GPR180: variants seen among roughly 807,000 people sequenced by gnomAD.
The protein encoded by GPR180 is integral membrane protein GPR180.
GPR180 carries 53 observed loss-of-function variants against 52.6 expected under a neutral mutation model. That is an observed-to-expected ratio of 1.01 (90% CI 0.81 to 1.27). The LOEUF (loss-of-function observed/expected upper bound fraction) is 1.27. Among genes scored for constraint, GPR180 ranks in the 50% most tolerant of loss-of-function variants. The probability of loss-of-function intolerance (pLI) is 0.00; values close to 1 mark genes in which losing one functional copy is unlikely to be tolerated. For missense variants in GPR180, 533 were observed against 527.0 expected (o/e 1.01, Z -0.11); for synonymous variants, 200 against 193.1 (o/e 1.04, Z -0.30).
chr13:94,610,818 C>G (rs540190152), intron 2 of GPR180, among the ~76,000 whole-genome samples: 1 of 152,334 alleles, frequency 6.6e-6, no homozygotes, highest in African/African-American at 2.4e-5. Flanking sequence ...AGCCCCCCTC[C>G]AAGTATCTAA....
rs1271492489 is a variant in GPR180, at chr13:94,612,207, G to A, written c.322G>A (p.Glu108Lys). The A allele has an allele frequency of 1.4e-5, 22 of 1,613,790 alleles. No individual in the cohort carries two copies. The highest frequency in any genetic ancestry group is 2.2e-5 in the East Asian group (1 of 44,858). The change falls in exon 3 of 9, where the codon GAA becomes AAA. Residue 108 changes from glutamate (E) to lysine (K), a missense_variant. Glu to Lys is a moderately conservative substitution (Grantham distance 56, BLOSUM62 1). Transcript: ENST00000376958. ...CTTTAAAGTGACCATGAACCAGACCGAACATAATCTGACAGTGTCCCAGAT... is the reference window on the plus strand; with the variant it reads ...CTTTAAAGTGACCATGAACCAGACCAAACATAATCTGACAGTGTCCCAGAT... ...AQLTMTMNQT[E>K]HNLTVSQIPS...
At position 94,611,288 on chromosome 13, in the gene GPR180, T is replaced by G. The variant is rs149527706; in HGVS notation, c.305-902T>G. ...AAGAACAACCAATCAGAAAAAGATT[T>G]TGGAAAATCTTTTGAAAATACATAG... On this transcript the variant is annotated intron_variant, in intron 2 of 8. Coordinates refer to ENST00000376958, the MANE Select transcript of GPR180 (RefSeq NM_180989.6). Among the ~76,000 whole-genome samples, 1,083 of 152,320 alleles carry G rather than the reference T, an allele frequency of 7.1e-3. 15 individuals are homozygous for G. Among genetic ancestry groups the G allele is most frequent in the African/African-American group, 0.025 (1,033 of 41,574 alleles).
intron 5 of GPR180, among the ~76,000 whole-genome samples, chr13:94,620,072 A>G (rs1889832616): frequency 6.6e-6 from 1 of 152,264 alleles, no homozygotes; most frequent in Middle Eastern, 3.4e-3. Flanking sequence ...CTTATCCTCA[A>G]TAGAAAAGGG....
intron 1 of GPR180, among the ~76,000 whole-genome samples, chr13:94,602,776 C>T (rs1305754907): frequency 6.6e-6 from 1 of 152,092 alleles, no homozygotes; most frequent in Non-Finnish European, 1.5e-5. Context: ...AGTAATTATT[C>T]CTTCAATAAA....
At chr13:94,602,744 C>T (rs1475918188) in intron 1 of GPR180, among the ~76,000 whole-genome samples, 1 of 152,046 alleles carries the variant, frequency 6.6e-6, no homozygotes, top group East Asian at 1.9e-4. Flanking sequence ...GATTTCAGAC[C>T]TTTTGGTCTT....
chr13:94,620,571 T>C (rs1358345760), intron 5 of GPR180, among the ~76,000 whole-genome samples: 4 of 152,216 alleles, frequency 2.6e-5, no homozygotes, highest in African/African-American at 9.6e-5. Flanking sequence ...TTGGATGTTA[T>C]GGGAGCTATG....
chr13:94,610,828 A>AC (rs1269700033), intron 2 of GPR180, among the ~76,000 whole-genome samples: 1 of 152,174 alleles, frequency 6.6e-6, no homozygotes, highest in Non-Finnish European at 1.5e-5. Flanking sequence ...CAAGTATCTA[A>AC]CCAGCTATTG....
chr13:94,624,732 C>T (rs553273424), intron 7 of GPR180, among the ~76,000 whole-genome samples: 12 of 152,200 alleles, frequency 7.9e-5, no homozygotes, highest in South Asian at 2.1e-4. Context: ...TTAGTAGAGA[C>T]GGGGTTTCAC....
intron 2 of GPR180, among the ~76,000 whole-genome samples, chr13:94,610,568 G>A (rs1434444710): frequency 6.6e-6 from 1 of 152,098 alleles, no homozygotes; most frequent in Non-Finnish European, 1.5e-5. Flanking sequence ...GCCAAGACTC[G>A]CTCTTCTAAC....
intron 3 of GPR180, among the ~76,000 whole-genome samples, chr13:94,618,764 A>C (rs1889813815): frequency 6.6e-6 from 1 of 152,168 alleles, no homozygotes; most frequent in African/African-American, 2.4e-5. Flanking sequence ...TGACTGAGGT[A>C]ATCTATTTCT....
chr13:94,631,938 A>G lies in GPR180; in HGVS notation c.*4767A>G, dbSNP rs117358184. On this transcript the variant is annotated 3_prime_UTR_variant, in exon 9 of 9. Transcript: ENST00000376958. ...CTGCCACAACCAGAAGCACCAATTT[A>G]AAAGAGAAGTTTCTAGTCAGCTAGA... The G allele has an allele frequency of 1.3e-5, 2 of 152,260 alleles. No homozygotes were observed. The highest frequency in any genetic ancestry group is 3.9e-4 in the East Asian group (2 of 5,166). The allele number at this position is 152,260 out of a possible 1,614,324, so 9.4% of individuals were successfully genotyped here. A position where few individuals can be genotyped will look rare whatever the true frequency, so the allele number is the denominator to read the frequency against.
intron 1 of GPR180, among the ~76,000 whole-genome samples, chr13:94,604,011 G>T (rs1889594626): frequency 6.6e-6 from 1 of 152,076 alleles, no homozygotes; most frequent in Non-Finnish European, 1.5e-5. Context: ...AGGCAGAGGT[G>T]GGCAGATCAC....
intron 3 of GPR180, among the ~76,000 whole-genome samples, chr13:94,613,843 T>C (rs2139567765): frequency 6.6e-6 from 1 of 152,060 alleles, no homozygotes; most frequent in East Asian, 1.9e-4. Flanking sequence ...GAATGGATGG[T>C]TGGACTAAAT....
intron 3 of GPR180, among the ~76,000 whole-genome samples, chr13:94,615,689 C>G (rs1458765190): frequency 6.6e-6 from 1 of 152,200 alleles, no homozygotes; most frequent in East Asian, 1.9e-4. Context: ...AAGAAGTACC[C>G]AGAATCCTGA....
At chr13:94,615,158 C>T (rs1315161089) in intron 3 of GPR180, among the ~76,000 whole-genome samples, 8 of 152,216 alleles carry the variant, frequency 5.3e-5, no homozygotes, top group East Asian at 3.9e-4. Context: ...TGTACAGAAC[C>T]GCTGATCTAA....
At chr13:94,611,543 A>G (rs1889703585) in intron 2 of GPR180, among the ~76,000 whole-genome samples, 1 of 152,162 alleles carries the variant, frequency 6.6e-6, no homozygotes, top group African/African-American at 2.4e-5. Context: ...ATCGAAAATC[A>G]AAATTCAAAG....
intron 3 of GPR180, among the ~76,000 whole-genome samples, chr13:94,616,736 T>A (rs182077955): frequency 3.6e-4 from 55 of 151,968 alleles, no homozygotes; most frequent in Non-Finnish European, 2.2e-4. Flanking sequence ...AATTTCAAAG[T>A]GAACAAAGTG....
chr13:94,609,727 A>G (rs1042720880), intron 2 of GPR180, among the ~76,000 whole-genome samples: 3 of 151,958 alleles, frequency 2.0e-5, no homozygotes, highest in Non-Finnish European at 4.4e-5. Flanking sequence ...AGTCTTTGCT[A>G]CATTTTTCCA....
intron 3 of GPR180, among the ~76,000 whole-genome samples, 188 bp downstream of exon 3, chr13:94,612,578 G>A (rs1001626450): frequency 1.3e-5 from 2 of 152,140 alleles, no homozygotes; most frequent in Admixed American, 1.3e-4. Flanking sequence ...AGTATTACTT[G>A]AGTGTATTAA....
Sources: allele counts gnomAD v4.1 joint callset (sites outside exome capture counted in the v4.1 genomes callset), GRCh38; gene constraint gnomAD v4.1.1; transcripts MANE v1.5; gene names NCBI Gene and HGNC (gene_info 2026-07-23, HGNC 2026-07-21).